Variants in TRMT11 observed in about 807,000 individuals in gnomAD.
The protein encoded by TRMT11 is tRNA (guanine(10)-N(2))-methyltransferase TRMT11.
In TRMT11, 53 loss-of-function variants were observed where a neutral mutation model predicts 62.8. The ratio of observed to expected loss-of-function variants is 0.84; its 90% CI spans 0.68 to 1.06. The LOEUF is 1.06. TRMT11 is among the 50% of genes least tolerant of loss of function. TRMT11 has a pLI of 0.00. For synonymous variants in TRMT11, 188 were observed against 190.3 expected (o/e 0.99, Z 0.10); for missense variants, 556 against 553.4 (o/e 1.00, Z -0.05).
At chr6:126,256,149 T>A in the TRMT11 span, among the ~76,000 whole-genome samples, 2 of 152,198 alleles carry the variant, frequency 1.3e-5, no homozygotes, top group African/African-American at 2.4e-5. Context: ...TCTCTCCATG[T>A]GAGTGTTTCC....
At chr6:126,233,347 A>G in the TRMT11 span, among the ~76,000 whole-genome samples, 1 of 152,162 alleles carries the variant, frequency 6.6e-6, no homozygotes, top group African/African-American at 2.4e-5. Flanking sequence ...GGGCTCTACA[A>G]TGTGTCAGAG....
rs183930704 is a variant in TRMT11, at chr6:126,191,994, G to A, written n.144-6805G>A. ...TCTATTTCTGTGATGACTTTCATTG[G>A]TAATTTGACAAAAATTGTACTGAAT... On this transcript the variant is annotated intron_variant and non_coding_transcript_variant, in intron 1 of 3. Coordinates refer to the TRMT11 transcript ENST00000444229. Among the ~76,000 whole-genome samples, 1,045 of 152,094 alleles carry A rather than the reference G, an allele frequency of 6.9e-3. 3 individuals carry two copies. The highest frequency in any genetic ancestry group is 0.02 in the Middle Eastern group (6 of 294).
chr6:126,125,491 A>G (rs761333772), intron 21 of TRMT11, among the ~76,000 whole-genome samples: 42 of 152,190 alleles, frequency 2.8e-4, no homozygotes, highest in African/African-American at 8.4e-4. Context: ...CTCCTATCCA[A>G]TGCTTTTTCT....
At chr6:126,071,500 C>T (rs1377499179) in intron 17 of TRMT11, among the ~76,000 whole-genome samples, 2 of 151,690 alleles carry the variant, frequency 1.3e-5, no homozygotes, top group Non-Finnish European at 2.9e-5. Context: ...AAAACAAAAA[C>T]AAAAGGCATT....
At chr6:126,021,967 T>G (rs1795881609) in intron 12 of TRMT11, among the ~76,000 whole-genome samples, 1 of 151,546 alleles carries the variant, frequency 6.6e-6, no homozygotes, top group Non-Finnish European at 1.5e-5. Context: ...TTAAATTCAC[T>G]GGAAACTTGG....
intron 16 of TRMT11, among the ~76,000 whole-genome samples, chr6:126,052,912 T>C (rs1776259468): frequency 6.6e-6 from 1 of 152,178 alleles, no homozygotes; most frequent in Non-Finnish European, 1.5e-5. Flanking sequence ...TGATCCTAAG[T>C]GGGTTCCTAA....
the TRMT11 span, among the ~76,000 whole-genome samples, chr6:126,227,170 A>G: frequency 6.6e-6 from 1 of 152,246 alleles, no homozygotes; most frequent in Non-Finnish European, 1.5e-5. Context: ...ATCCTTATGT[A>G]AATGCTATAA....
At chr6:126,002,366 A>G (rs1792650100) in intron 7 of TRMT11, among the ~76,000 whole-genome samples, 1 of 152,128 alleles carries the variant, frequency 6.6e-6, no homozygotes, top group Non-Finnish European at 1.5e-5. Flanking sequence ...TTCTATGTTT[A>G]TGTGTACCTT....
chr6:126,134,774 G>A (rs1018077096), intron 21 of TRMT11, among the ~76,000 whole-genome samples: 1 of 151,774 alleles, frequency 6.6e-6, no homozygotes, highest in East Asian at 1.9e-4. Context: ...TTATAAAAAG[G>A]TCTAAATCAT....
chr6:126,135,339 A>G (rs1393435014), intron 21 of TRMT11, among the ~76,000 whole-genome samples: 1 of 151,772 alleles, frequency 6.6e-6, no homozygotes, highest in East Asian at 1.9e-4. Context: ...ACAAAGGATC[A>G]TTAGAGACCA....
chr6:126,232,224 ATTG>A, the TRMT11 span, among the ~76,000 whole-genome samples: 1 of 151,926 alleles, frequency 6.6e-6, no homozygotes, highest in Admixed American at 6.6e-5. Context: ...GATGGAGAAG[ATTG>A]AGTTTTTAAA....
intron 1 of TRMT11, among the ~76,000 whole-genome samples, chr6:126,193,469 A>G (rs183197675): frequency 2.7e-4 from 35 of 130,306 alleles, no homozygotes; most frequent in African/African-American, 1.0e-3. Context: ...TTGTTAGGTT[A>G]TTTAAGAGGA....
intron 17 of TRMT11, among the ~76,000 whole-genome samples, chr6:126,106,126 T>G (rs1380321701): frequency 6.6e-6 from 1 of 151,990 alleles, no homozygotes; most frequent in African/African-American, 2.4e-5. Context: ...TCTTAATGTT[T>G]TTTTGACTAG....
intron 1 of TRMT11, among the ~76,000 whole-genome samples, chr6:126,178,359 G>A (rs1443202450): frequency 6.6e-6 from 1 of 152,160 alleles, no homozygotes; most frequent in Non-Finnish European, 1.5e-5. Flanking sequence ...CAGACACTGA[G>A]GCTGAGGCTG....
At chr6:126,191,060 G>C (rs1352951256) in intron 1 of TRMT11, among the ~76,000 whole-genome samples, 3 of 152,040 alleles carry the variant, frequency 2.0e-5, no homozygotes, top group Non-Finnish European at 2.9e-5. Flanking sequence ...ACCATCCACT[G>C]TATGACCATT....
chr6:126,002,679 A>G (rs1792709349), intron 7 of TRMT11, among the ~76,000 whole-genome samples: 1 of 152,072 alleles, frequency 6.6e-6, no homozygotes, highest in East Asian at 1.9e-4. Flanking sequence ...TCAAATATGT[A>G]TAAGATGAAC....
chr6:126,141,162 T>C (rs1777912437), intron 21 of TRMT11, among the ~76,000 whole-genome samples: 1 of 152,054 alleles, frequency 6.6e-6, no homozygotes. Flanking sequence ...TGTAAGTAAT[T>C]ATAATTGAAT....
chr6:126,178,441 C>G (rs1270633517), intron 1 of TRMT11, among the ~76,000 whole-genome samples: 2 of 152,304 alleles, frequency 1.3e-5, no homozygotes, highest in African/African-American at 4.8e-5. Context: ...AAAGTGACTC[C>G]CTAATAAATA....
chr6:126,118,153 C>T (rs1428854130), intron 21 of TRMT11, among the ~76,000 whole-genome samples: 1 of 152,042 alleles, frequency 6.6e-6, no homozygotes, highest in African/African-American at 2.4e-5. Flanking sequence ...AAAAATAGAA[C>T]CCTGAGATGC....
Sources: gnomAD v4.1 joint callset for allele counts (sites outside exome capture counted in the v4.1 genomes callset) on GRCh38, gnomAD v4.1.1 for gene constraint, MANE v1.5 for transcripts, NCBI Gene and HGNC (gene_info 2026-07-23, HGNC 2026-07-21) for gene names.